Variants in RALYL observed in about 807,000 individuals in gnomAD.
The protein encoded by RALYL is RALY RNA binding protein like, also known as RNA-binding Raly-like protein.
RALYL carries 29 observed loss-of-function variants against 35.1 expected under a neutral mutation model. The observed-to-expected ratio is 0.83, with a 90% CI of 0.61 to 1.13. The LOEUF (loss-of-function observed/expected upper bound fraction) is 1.13. RALYL is among the 50% of genes most tolerant of loss of function. The probability of loss-of-function intolerance (pLI) is 0.00; values close to 1 mark genes in which losing one functional copy is unlikely to be tolerated. For missense variants in RALYL, 359 were observed against 360.4 expected, an observed-to-expected ratio of 1.00 and a Z score of 0.03; for synonymous variants, 120 against 127.6, an observed-to-expected ratio of 0.94 and a Z score of 0.40.
chr8:84,870,063 C>T (rs1839918636), intron 6 of RALYL, among the ~76,000 whole-genome samples: 1 of 152,084 alleles, frequency 6.6e-6, no homozygotes, highest in Non-Finnish European at 1.5e-5. Context: ...ACTTCTATTT[C>T]TCTAGTGTTC....
chr8:84,579,684 A>G (rs922954337), intron 2 of RALYL, among the ~76,000 whole-genome samples: 5 of 152,252 alleles, frequency 3.3e-5, no homozygotes, highest in Admixed American at 6.5e-5. Context: ...CTTGGGTTAT[A>G]TAAATCATTG....
intron 2 of RALYL, among the ~76,000 whole-genome samples, chr8:84,748,930 A>G (rs1323141102): frequency 6.6e-6 from 1 of 152,074 alleles, no homozygotes; most frequent in Non-Finnish European, 1.5e-5. Flanking sequence ...TTTCCTTGGC[A>G]ACTAAAGTTC....
At chr8:84,197,415 A>G (rs757930108) in intron 1 of RALYL, among the ~76,000 whole-genome samples, 19 of 152,324 alleles carry the variant, frequency 1.2e-4, no homozygotes, top group Admixed American at 3.3e-4. Flanking sequence ...TTTCATACAA[A>G]GAAGATAATC....
At chr8:84,287,985 G>T (rs1275654983) in intron 1 of RALYL, among the ~76,000 whole-genome samples, 1 of 152,068 alleles carries the variant, frequency 6.6e-6, no homozygotes, top group African/African-American at 2.4e-5. Flanking sequence ...GCTGTGCAAA[G>T]AAAGAACTAT....
At chr8:84,230,348 A>C (rs1389953377) in intron 1 of RALYL, among the ~76,000 whole-genome samples, 1 of 152,104 alleles carries the variant, frequency 6.6e-6, no homozygotes, top group African/African-American at 2.4e-5. Context: ...ATTAATAAAT[A>C]TTGCAGGAGA....
chr8:84,390,882 C>T (rs1343354355), intron 1 of RALYL, among the ~76,000 whole-genome samples: 2 of 151,974 alleles, frequency 1.3e-5, no homozygotes, highest in Non-Finnish European at 2.9e-5. Context: ...CATCAGCCAA[C>T]ATTATGCATT....
chr8:84,292,979 C>G (rs976372033), intron 1 of RALYL, among the ~76,000 whole-genome samples: 5 of 152,144 alleles, frequency 3.3e-5, no homozygotes, highest in Non-Finnish European at 5.9e-5. Context: ...ACATTTCTTA[C>G]TTTCCACATC....
At position 84,591,115 on chromosome 8, in the gene RALYL, A is replaced by T. The variant is rs59086452; in HGVS notation, c.256+61538A>T. ...AAATTAATACAGGATAGTATTTTTTAAAATAGCATATAAGAGAAATATTTA... is the reference window on the plus strand; with the variant it reads ...AAATTAATACAGGATAGTATTTTTTTAAATAGCATATAAGAGAAATATTTA... On this transcript the variant is annotated intron_variant, in intron 2 of 8. Coordinates refer to ENST00000521268, the MANE Select transcript of RALYL (RefSeq NM_173848.7). 1.1e-4 allele frequency among the ~76,000 whole-genome samples: 17 copies of T among 152,308 alleles called. No individual in the cohort carries two copies. In the South Asian group the frequency reaches 2.9e-3, roughly 26 times the overall value.
intron 1 of RALYL, among the ~76,000 whole-genome samples, chr8:84,280,598 C>T (rs1048348187): frequency 2.6e-5 from 4 of 151,724 alleles, no homozygotes; most frequent in South Asian, 4.2e-4. Flanking sequence ...CAGAGTACAT[C>T]ACCATACCAT....
chr8:84,854,318 C>A (rs1421462789), intron 5 of RALYL, among the ~76,000 whole-genome samples: 2 of 151,678 alleles, frequency 1.3e-5, no homozygotes, highest in Non-Finnish European at 1.5e-5. Flanking sequence ...TGCACTCCAG[C>A]CTGGGGACAG....
chr8:84,371,527 A>C (rs1320755158), intron 1 of RALYL, among the ~76,000 whole-genome samples: 1 of 145,812 alleles, frequency 6.9e-6, no homozygotes. Context: ...ATAGGGAATA[A>C]ATTTATGATT....
At chr8:84,461,977 CATA>C (rs529916857) in intron 1 of RALYL, among the ~76,000 whole-genome samples, 39 of 151,784 alleles carry the variant, frequency 2.6e-4, no homozygotes, top group African/African-American at 8.7e-4. Context: ...TTTTACAAAT[CATA>C]ATGACATGTA....
At chr8:84,725,110 AT>A in intron 2 of RALYL, among the ~76,000 whole-genome samples, 1 of 151,600 alleles carries the variant, frequency 6.6e-6, no homozygotes. Context: ...ACTGCCTAAG[AT>A]CTGCCTAAAT....
intron 4 of RALYL, among the ~76,000 whole-genome samples, chr8:84,842,170 A>G (rs1563724431): frequency 3.3e-5 from 5 of 152,210 alleles, no homozygotes; most frequent in Admixed American, 1.3e-4. Flanking sequence ...AAAATTAATG[A>G]ATCCAGGAGC....
At chr8:84,750,751 C>T (rs1354119593) in intron 2 of RALYL, among the ~76,000 whole-genome samples, 1 of 152,092 alleles carries the variant, frequency 6.6e-6, no homozygotes, top group African/African-American at 2.4e-5. Flanking sequence ...GCTCAGCCCC[C>T]TTACCATGTG....
chr8:84,350,153 T>C (rs1178928250), intron 1 of RALYL, among the ~76,000 whole-genome samples: 1 of 150,406 alleles, frequency 6.6e-6, no homozygotes, highest in Non-Finnish European at 1.5e-5. Flanking sequence ...CCAAATGGCT[T>C]TTCGTAAGAC....
intron 1 of RALYL, among the ~76,000 whole-genome samples, chr8:84,463,175 T>A (rs978648370): frequency 2.0e-5 from 3 of 152,006 alleles, no homozygotes; most frequent in Non-Finnish European, 2.9e-5. Flanking sequence ...TATACTTGTA[T>A]CTGGGTGTAA....
At chr8:84,377,893 T>C (rs1037200491) in intron 1 of RALYL, among the ~76,000 whole-genome samples, 5 of 151,876 alleles carry the variant, frequency 3.3e-5, no homozygotes, top group African/African-American at 1.2e-4. Flanking sequence ...AATAGAGTTG[T>C]CAATGTTCAC....
intron 1 of RALYL, among the ~76,000 whole-genome samples, chr8:84,189,177 A>T (rs977468073): frequency 7.9e-5 from 12 of 152,188 alleles, no homozygotes; most frequent in Admixed American, 3.9e-4. Flanking sequence ...AGAACGTGGA[A>T]GTCTTGCACT....
Sources: allele counts gnomAD v4.1 joint callset (sites outside exome capture counted in the v4.1 genomes callset), GRCh38; gene constraint gnomAD v4.1.1; transcripts MANE v1.5; gene names NCBI Gene and HGNC (gene_info 2026-07-23, HGNC 2026-07-21).